Variants in SOX5 observed in about 807,000 individuals in gnomAD.
SOX5 encodes the protein SRY-box transcription factor 5.
In SOX5, 9 loss-of-function variants were observed where a neutral mutation model predicts 92.0. The observed-to-expected ratio is 0.10, with a 90% CI of 0.06 to 0.17. The LOEUF (loss-of-function observed/expected upper bound fraction) is 0.17. Ranked by LOEUF, SOX5 falls within the 10% of genes least tolerant of loss-of-function variation. The pLI, the probability that SOX5 is intolerant of heterozygous loss-of-function variation, is 1.00. For synonymous variants in SOX5, 344 were observed against 336.3 expected (o/e 1.02, Z -0.25); for missense variants, 642 against 944.5 (o/e 0.68, Z 4.20).
chr12:23,552,138 GA>G (rs1944331776), intron 11 of SOX5, among the ~76,000 whole-genome samples: 1 of 151,806 alleles, frequency 6.6e-6, no homozygotes, highest in Admixed American at 6.6e-5. Context: ...AAATGGGAGG[GA>G]TATTTCAAAA....
At chr12:23,736,859 T>C (rs941953363) in intron 5 of SOX5, among the ~76,000 whole-genome samples, 2 of 151,904 alleles carry the variant, frequency 1.3e-5, no homozygotes, top group Admixed American at 6.5e-5. Flanking sequence ...CCTGATTAAT[T>C]TTTTTATATT....
At chr12:24,303,016 A>C (rs778619308) in intron 2 of SOX5, among the ~76,000 whole-genome samples, 2 of 152,244 alleles carry the variant, frequency 1.3e-5, no homozygotes, top group Non-Finnish European at 2.9e-5. Flanking sequence ...CACCAAGATC[A>C]GTATGAACCA....
chr12:24,093,808 C>T (rs1944977512), intron 4 of SOX5, among the ~76,000 whole-genome samples: 6 of 151,742 alleles, frequency 4.0e-5, no homozygotes, highest in Admixed American at 3.9e-4. Flanking sequence ...TGCCAAATTG[C>T]TCTCCCAAAT....
chr12:23,650,975 T>C (rs55832813), intron 7 of SOX5, among the ~76,000 whole-genome samples: 2,431 of 152,180 alleles, frequency 0.016, 62 homozygotes, highest in African/African-American at 0.056. Flanking sequence ...AGAATAGCTT[T>C]GGGAGACAGA....
intron 4 of SOX5, among the ~76,000 whole-genome samples, chr12:24,029,216 T>C (rs1166248381): frequency 6.6e-6 from 1 of 151,994 alleles, no homozygotes; most frequent in East Asian, 1.9e-4. Flanking sequence ...TACACTGCAG[T>C]TAAATGTACC....
intron 4 of SOX5, among the ~76,000 whole-genome samples, chr12:24,171,224 TG>T (rs750361684): frequency 0.071 from 5,580 of 78,266 alleles, 1,397 homozygotes; most frequent in Non-Finnish European, 0.081. Flanking sequence ...TTTGTTTGTT[TG>T]TTTGTTTTTT....
At chr12:24,172,125 C>T (rs1343095692) in intron 4 of SOX5, among the ~76,000 whole-genome samples, 1 of 151,768 alleles carries the variant, frequency 6.6e-6, no homozygotes, top group East Asian at 1.9e-4. Flanking sequence ...GTGCTGTAAG[C>T]AGGCTTGGGG....
At chr12:23,554,234 T>C (rs972603663) in intron 11 of SOX5, among the ~76,000 whole-genome samples, 2 of 152,052 alleles carry the variant, frequency 1.3e-5, no homozygotes, top group African/African-American at 4.8e-5. Flanking sequence ...TCTCCAGTGA[T>C]GGGGTTTGGT....
At chr12:23,805,711 C>T (rs1248186118) in intron 3 of SOX5, among the ~76,000 whole-genome samples, 1 of 152,116 alleles carries the variant, frequency 6.6e-6, no homozygotes, top group African/African-American at 2.4e-5. Flanking sequence ...TCAGGATGAT[C>T]TATACAAATG....
intron 7 of SOX5, among the ~76,000 whole-genome samples, chr12:23,651,122 T>C (rs1013807765): frequency 1.3e-5 from 2 of 152,108 alleles, no homozygotes; most frequent in African/African-American, 4.8e-5. Flanking sequence ...TCATCGTTTT[T>C]GAATAATTAC....
chr12:23,899,128 G>A (rs1335822306), intron 1 of SOX5, among the ~76,000 whole-genome samples: 1 of 152,112 alleles, frequency 6.6e-6, no homozygotes, highest in Non-Finnish European at 1.5e-5. Context: ...AGGCACCACA[G>A]GCCGGTTGCA....
chr12:23,881,154 T>A (rs1439254623), intron 2 of SOX5, among the ~76,000 whole-genome samples: 3 of 152,114 alleles, frequency 2.0e-5, no homozygotes, highest in Admixed American at 1.3e-4. Flanking sequence ...TGTGCTGCCA[T>A]GTTAATTTAG....
At chr12:23,902,443 A>G (rs2097245313) in intron 1 of SOX5, among the ~76,000 whole-genome samples, 1 of 152,166 alleles carries the variant, frequency 6.6e-6, no homozygotes, top group South Asian at 2.1e-4. Flanking sequence ...AAAAAATTGC[A>G]AAAATAAATA....
chr12:23,950,262 G>GCACA (rs111520694), upstream of SOX5, among the ~76,000 whole-genome samples: 3 of 148,162 alleles, frequency 2.0e-5, no homozygotes, highest in East Asian at 2.0e-4. Context: ...GGAAATACAC[G>GCACA]CACACACACA....
At chr12:23,624,965 C>T (rs969178202) in intron 8 of SOX5, among the ~76,000 whole-genome samples, 3 of 152,146 alleles carry the variant, frequency 2.0e-5, no homozygotes, top group Non-Finnish European at 4.4e-5. Context: ...TAAAGGTTTT[C>T]TAAAACACTA....
At chr12:24,065,765 A>C (rs779199699) in intron 4 of SOX5, among the ~76,000 whole-genome samples, 2 of 152,198 alleles carry the variant, frequency 1.3e-5, no homozygotes, top group African/African-American at 4.8e-5. Context: ...ACCAATGTCA[A>C]CCAGGAACTT....
intron 1 of SOX5, among the ~76,000 whole-genome samples, chr12:23,910,164 A>G (rs1414482103): frequency 6.6e-6 from 1 of 152,168 alleles, no homozygotes; most frequent in Non-Finnish European, 1.5e-5. Context: ...GACTCTAGAA[A>G]ATGATACATG....
At chr12:23,711,590 T>C (rs2092059958) in intron 6 of SOX5, among the ~76,000 whole-genome samples, 1 of 152,168 alleles carries the variant, frequency 6.6e-6, no homozygotes, top group Admixed American at 6.5e-5. Flanking sequence ...TCAATGTGTC[T>C]TATGAAAAGA....
intron 3 of SOX5, among the ~76,000 whole-genome samples, chr12:23,772,745 T>C (rs776572829): frequency 1.3e-5 from 2 of 152,194 alleles, no homozygotes; most frequent in Non-Finnish European, 2.9e-5. Flanking sequence ...ACCTAACATA[T>C]AGGGCAATTT....
Sources: allele counts gnomAD v4.1 joint callset (sites outside exome capture counted in the v4.1 genomes callset), GRCh38; gene constraint gnomAD v4.1.1; transcripts MANE v1.5; gene names NCBI Gene and HGNC (gene_info 2026-07-23, HGNC 2026-07-21).